LMBR1: variants seen among roughly 807,000 people sequenced by gnomAD.
LMBR1 encodes limb development membrane protein 1.
Under a neutral mutation model 73.9 loss-of-function variants are expected in LMBR1, and 52 were observed. The observed-to-expected ratio is 0.70, with a 90% CI of 0.56 to 0.89. The LOEUF is 0.89. Ranked by LOEUF, LMBR1 falls within the 40% of genes least tolerant of loss-of-function variation. The pLI is 0.00. For missense variants in LMBR1, 539 were observed against 579.8 expected, an observed-to-expected ratio of 0.93 and a Z score of 0.72; for synonymous variants, 215 against 209.4, an observed-to-expected ratio of 1.03 and a Z score of -0.23.
intron 15 of LMBR1, among the ~76,000 whole-genome samples, chr7:156,698,702 G>T (rs754659083): frequency 5.3e-5 from 8 of 152,172 alleles, no homozygotes; most frequent in Non-Finnish European, 7.3e-5. Context: ...GAGGGACCCT[G>T]GGTCCAGCCC....
chr7:156,687,601 G>C (rs769950741), intron 16 of LMBR1, among the ~76,000 whole-genome samples: 4 of 152,096 alleles, frequency 2.6e-5, no homozygotes, highest in African/African-American at 4.8e-5. Flanking sequence ...TTAATGAAGA[G>C]ACTTATGGGT....
intron 5 of LMBR1, among the ~76,000 whole-genome samples, chr7:156,787,923 CCCA>C (rs1334403947): frequency 6.6e-6 from 1 of 152,276 alleles, no homozygotes; most frequent in East Asian, 1.9e-4. Flanking sequence ...ATTACAGGTG[CCCA>C]CCACCACACC....
At chr7:156,754,770 T>A (rs1312861252) in intron 9 of LMBR1, among the ~76,000 whole-genome samples, 1 of 152,174 alleles carries the variant, frequency 6.6e-6, no homozygotes, top group Non-Finnish European at 1.5e-5. Context: ...AAGTCGTGAT[T>A]TTTTCAGTCT....
rs917544813 is a variant in LMBR1, at chr7:156,677,798, A to C, written c.*6280T>G. The C allele has an allele frequency of 6.6e-6, 1 of 152,248 alleles. No homozygotes were observed. Among genetic ancestry groups the C allele is most frequent in the African/African-American group, 2.4e-5 (1 of 41,460 alleles). The allele number at this position is 152,248 out of a possible 1,614,324, so 9.4% of individuals were successfully genotyped here. The stretch of plus-strand genomic sequence containing the variant: ...TATATTGGGATGTGCTCATTTTTTA[A>C]GGATGTATACTATCAAAAAATTTGC... On this transcript the variant is annotated 3_prime_UTR_variant, in exon 17 of 17. Transcript: ENST00000353442.
intron 1 of LMBR1, among the ~76,000 whole-genome samples, chr7:156,852,900 T>C (rs1348697585): frequency 6.6e-6 from 1 of 152,044 alleles, no homozygotes; most frequent in African/African-American, 2.4e-5. Context: ...ACAGAAGTAA[T>C]TACATATACA....
chr7:156,863,104 A>G (rs1337039040), intron 1 of LMBR1, among the ~76,000 whole-genome samples: 1 of 152,210 alleles, frequency 6.6e-6, no homozygotes, highest in Admixed American at 6.5e-5. Context: ...AACTAATAGA[A>G]GATATATATA....
chr7:156,726,848 CAT>C, intron 12 of LMBR1, among the ~76,000 whole-genome samples: 1 of 152,200 alleles, frequency 6.6e-6, no homozygotes, highest in African/African-American at 2.4e-5. Context: ...AGGAGAAGCA[CAT>C]GTTTATCTCC....
chr7:156,826,778 C>G (rs1835777969), intron 3 of LMBR1, 34 bp from the exon 4 acceptor site: 5 of 1,563,364 alleles, frequency 3.2e-6, no homozygotes, highest in Non-Finnish European at 2.6e-6. Context: ...CACAAGTGAT[C>G]TGAAAAAGCA....
chr7:156,876,501 A>G (rs1369954262), intron 1 of LMBR1, among the ~76,000 whole-genome samples: 1 of 152,206 alleles, frequency 6.6e-6, no homozygotes, highest in Non-Finnish European at 1.5e-5. Flanking sequence ...ATTCTACCCA[A>G]CAACCGCTGA....
chr7:156,789,873 T>C (rs1457019595), intron 5 of LMBR1, among the ~76,000 whole-genome samples: 1 of 151,016 alleles, frequency 6.6e-6, no homozygotes, highest in East Asian at 1.9e-4. Context: ...ACTATTTCTA[T>C]AAAACTGTTT....
Position 156,763,897 on chromosome 7 carries a change from A to G in LMBR1, c.424-102T>C. On this transcript the variant is annotated intron_variant, in intron 5 of 16. Coordinates refer to ENST00000353442, the MANE Select transcript of LMBR1 (RefSeq NM_022458.4). ...GCATAAAATAATCCCTTGGAAGGAG[A>G]GGAAATTTATATTTATTAAAAGGAA... The G allele has an allele frequency of 3.4e-6, 3 of 873,334 alleles. No individual in the cohort carries two copies. Among genetic ancestry groups the G allele is most frequent in the Non-Finnish European group, 4.8e-6 (3 of 619,182 alleles). The allele number at this position is 873,334 out of a possible 1,614,324, so 54.1% of individuals were successfully genotyped here. A position where few individuals can be genotyped will look rare whatever the true frequency, so the allele number is the denominator to read the frequency against.
chr7:156,724,020 G>A, intron 15 of LMBR1, 92 bp downstream of exon 15: 2 of 868,140 alleles, frequency 2.3e-6, no homozygotes, highest in Admixed American at 4.6e-5. Flanking sequence ...GTATTTCAAA[G>A]GTAATCTTTA....
rs140722848 is a variant in LMBR1, at chr7:156,684,152, G to C, written c.1399C>G (p.Leu467Val). 209 of 1,613,862 alleles carry C rather than the reference G, an allele frequency of 1.3e-4. No individual in the cohort carries two copies. Among genetic ancestry groups the C allele is most frequent in the Middle Eastern group, 3.3e-4 (2 of 6,062 alleles). Reference sequence around the variant, plus strand: ...TCCCTTGAAGTATTTGGTAAGTGAAGTTTATGAAGCCCTGCAAAAAAATTA... The same window carrying C: ...TCCCTTGAAGTATTTGGTAAGTGAACTTTATGAAGCCCTGCAAAAAAATTA... The part of the protein sequence containing the change: ...ELFKALGLHK[L>V]HLPNTSRDSE... The change falls in exon 17 of 17, where the codon CTT (leucine) becomes GTT (valine). Residue 467 changes from leucine to valine, a missense_variant. Around this residue, in one of 3 missense-constraint regions of LMBR1, gnomAD observed 69 missense variants for 68.5 expected, o/e 1.01. Coordinates refer to ENST00000353442, the MANE Select transcript of LMBR1 (RefSeq NM_022458.4).
chr7:156,883,772 C>G (rs866931874), intron 1 of LMBR1, among the ~76,000 whole-genome samples: 1 of 152,184 alleles, frequency 6.6e-6, no homozygotes, highest in African/African-American at 2.4e-5. Context: ...GGGCATCACT[C>G]CAACTCTGCC....
intron 4 of LMBR1, among the ~76,000 whole-genome samples, chr7:156,797,910 G>T (rs80171586): frequency 0.13 from 20,339 of 151,792 alleles, 1,451 homozygotes; most frequent in Non-Finnish European, 0.16. Flanking sequence ...ACTGCAATTT[G>T]AACTATTTAA....
At chr7:156,708,903 A>G (rs1450654440) in intron 15 of LMBR1, among the ~76,000 whole-genome samples, 3 of 152,114 alleles carry the variant, frequency 2.0e-5, no homozygotes, top group African/African-American at 4.8e-5. Flanking sequence ...GCTCTCCCCA[A>G]CTTCCCTGGC....
chr7:156,760,191 G>A (rs769609739), intron 8 of LMBR1, among the ~76,000 whole-genome samples: 15 of 152,204 alleles, frequency 9.9e-5, no homozygotes, highest in Non-Finnish European at 1.5e-4. Context: ...ATGGAGAATC[G>A]AAGAAGAAGA....
intron 4 of LMBR1, among the ~76,000 whole-genome samples, chr7:156,825,629 A>C (rs1002237983): frequency 6.6e-6 from 1 of 152,228 alleles, no homozygotes; most frequent in African/African-American, 2.4e-5. Flanking sequence ...ATGAGAGACA[A>C]GAGTTCAGTT....
chr7:156,806,636 G>T, intron 4 of LMBR1, among the ~76,000 whole-genome samples: 1 of 113,822 alleles, frequency 8.8e-6, no homozygotes, highest in African/African-American at 3.5e-5. Context: ...TTGAGACGGA[G>T]TCTCACTCTG....
Sources: gnomAD v4.1 joint callset for allele counts (sites outside exome capture counted in the v4.1 genomes callset) on GRCh38, gnomAD v4.1.1 for gene constraint, gnomAD v4.1.1 regional missense constraint, MANE v1.5 for transcripts, NCBI Gene and HGNC (gene_info 2026-07-23, HGNC 2026-07-21) for gene names.